Variants in NBPF9 observed in about 807,000 individuals in gnomAD.
NBPF9 encodes the protein NBPF family member NBPF9.
Under a neutral mutation model 97.8 loss-of-function variants are expected in NBPF9, and 91 were observed. That is an observed-to-expected ratio of 0.93 (90% CI 0.79 to 1.11). NBPF9 has a LOEUF of 1.11. Ranked by LOEUF, NBPF9 falls within the 50% of genes least tolerant of loss-of-function variation. The probability of loss-of-function intolerance (pLI) is 0.00; values close to 1 mark genes in which losing one functional copy is unlikely to be tolerated. For missense variants in NBPF9, 992 were observed against 939.5 expected (o/e 1.06, Z -0.73); for synonymous variants, 334 against 359.5 (o/e 0.93, Z 0.80).
chr1:149,097,633 G>A (rs1457570282), intron 4 of NBPF9, among the ~76,000 whole-genome samples: 2 of 152,144 alleles, frequency 1.3e-5, no homozygotes, highest in Non-Finnish European at 1.5e-5. Context: ...ACGGCCACGT[G>A]AGAAGGATAC....
intron 4 of NBPF9, among the ~76,000 whole-genome samples, chr1:149,098,013 G>T (rs1426563814): frequency 6.6e-6 from 1 of 152,030 alleles, no homozygotes; most frequent in Admixed American, 6.6e-5. Flanking sequence ...ACAGTGCAGG[G>T]CCTTAGCCTG....
chr1:149,086,999 T>G (rs1417380924), intron 5 of NBPF9, among the ~76,000 whole-genome samples: 4 of 152,054 alleles, frequency 2.6e-5, no homozygotes, highest in Admixed American at 2.6e-4. Context: ...CCTACAAGTA[T>G]AAGACTTCCA....
intron 9 of NBPF9, among the ~76,000 whole-genome samples, chr1:149,078,784 G>C (rs1240309012): frequency 7.1e-6 from 1 of 141,844 alleles, no homozygotes; most frequent in Non-Finnish European, 1.5e-5. Context: ...TTGCTCCAAA[G>C]ACCACCTTCC....
chr1:149,065,944 C>T (rs1327226760), intron 17 of NBPF9: 4 of 599,410 alleles, frequency 6.7e-6, no homozygotes, highest in South Asian at 4.0e-5. Flanking sequence ...CCAGACTCTC[C>T]CTGTAAACTA....
intron 22 of NBPF9, 98 bp downstream of exon 22, chr1:149,061,995 G>A: frequency 1.5e-6 from 1 of 670,400 alleles, no homozygotes; most frequent in Non-Finnish European, 2.7e-6. Context: ...CTGTGGCAAT[G>A]ACATCTCTCA....
chr1:149,068,451 A>G (rs1383593701), intron 17 of NBPF9, among the ~76,000 whole-genome samples: 7 of 148,832 alleles, frequency 4.7e-5, no homozygotes, highest in African/African-American at 1.8e-4. Context: ...GCAAATGGAA[A>G]ACAAAAAAAG....
chr1:149,085,259 A>T (rs1381135460), intron 5 of NBPF9, among the ~76,000 whole-genome samples: 1 of 152,196 alleles, frequency 6.6e-6, no homozygotes, highest in Non-Finnish European at 1.5e-5. Context: ...CTACTAAAAA[A>T]AAATCAATAA....
At chr1:149,083,050 C>G (rs2080658412) in intron 5 of NBPF9, among the ~76,000 whole-genome samples, 1 of 138,646 alleles carries the variant, frequency 7.2e-6, no homozygotes. Context: ...ACCTCGTGAT[C>G]TGCCGCCTCA....
exon 11 of NBPF9, chr1:149,077,353 A>G (rs2079970095): frequency 6.2e-7 from 1 of 1,609,780 alleles, no homozygotes; most frequent in Admixed American, 1.7e-5. Context: ...GGCTATTTGA[A>G]CAAGTGATGG....
chr1:149,064,844 G>T (rs1210745373), intron 18 of NBPF9: 1 of 539,866 alleles, frequency 1.9e-6, no homozygotes, highest in African/African-American at 1.9e-5. Flanking sequence ...CCCAGAATTT[G>T]ATAGTTTATG....
At chr1:149,081,248 T>A (rs1262031218) in intron 7 of NBPF9, among the ~76,000 whole-genome samples, 1 of 151,340 alleles carries the variant, frequency 6.6e-6, no homozygotes, top group Non-Finnish European at 1.5e-5. Flanking sequence ...GCCTCCCGAT[T>A]AGTGGTGATT....
intron 5 of NBPF9, among the ~76,000 whole-genome samples, chr1:149,085,020 C>T (rs1445608942): frequency 2.0e-5 from 3 of 151,778 alleles, no homozygotes; most frequent in Non-Finnish European, 2.9e-5. Context: ...CAGTACTGAC[C>T]TCCTTTGTTC....
At position 149,078,910 on chromosome 1, in the gene NBPF9, A is replaced by C. The variant is rs1553655505; in HGVS notation, c.493+97T>G. 13 of 1,578,136 alleles carry C rather than the reference A, an allele frequency of 8.2e-6. 1 individual carries two copies. Among genetic ancestry groups the C allele is most frequent in the Non-Finnish European group, 1.0e-5 (12 of 1,151,494 alleles). On this transcript the variant is annotated intron_variant, in intron 9 of 29. Transcript: ENST00000584027. Reference sequence around the variant, plus strand: ...ATGGCCACATATGTGTAGCAGAAAAAAACCCCACTGATACAACTGTCATTG... The same window carrying C: ...ATGGCCACATATGTGTAGCAGAAAACAACCCCACTGATACAACTGTCATTG...
chr1:149,074,037 C>T (rs1456561807), intron 12 of NBPF9, among the ~76,000 whole-genome samples, 167 bp from the exon 13 acceptor site: 1 of 150,916 alleles, frequency 6.6e-6, no homozygotes, highest in Non-Finnish European at 1.5e-5. Context: ...GACTTTCTGG[C>T]ATCTGATCCT....
chr1:149,065,903 C>T (rs1166241146), intron 17 of NBPF9: 3 of 673,782 alleles, frequency 4.5e-6, no homozygotes, highest in Non-Finnish European at 5.0e-6. Flanking sequence ...GTGCTCAGTA[C>T]ATTTGCCACA....
exon 30 of NBPF9, chr1:149,054,575 G>C (rs1231206277): frequency 1.4e-5 from 2 of 146,724 alleles, no homozygotes; most frequent in East Asian, 4.2e-4. Flanking sequence ...CCGGCAAAAC[G>C]TTTAGGCTGA....
At chr1:149,082,122 G>A in exon 7 of NBPF9, 1 of 1,611,948 alleles carries the variant, frequency 6.2e-7, no homozygotes. Flanking sequence ...TGGACCAAGG[G>A]CCGGCTGATA....
At chr1:149,072,004 T>C (rs1175622269) in intron 14 of NBPF9, among the ~76,000 whole-genome samples, 2 of 146,094 alleles carry the variant, frequency 1.4e-5, no homozygotes, top group Non-Finnish European at 3.0e-5. Context: ...GGCACAGGCT[T>C]GGTGTCCTGT....
chr1:149,071,130 C>T (rs782402672), exon 16 of NBPF9: 1 of 1,570,276 alleles, frequency 6.4e-7, no homozygotes, highest in Non-Finnish European at 8.7e-7. Context: ...CTTCAGCCTT[C>T]TGCATCTCCC....
Sources: allele counts gnomAD v4.1 joint callset (sites outside exome capture counted in the v4.1 genomes callset), GRCh38; gene constraint gnomAD v4.1.1; transcripts MANE v1.5; gene names NCBI Gene and HGNC (gene_info 2026-07-23, HGNC 2026-07-21).